TLCD4: variants seen among roughly 807,000 people sequenced by gnomAD.
The protein encoded by TLCD4 is TLC domain containing 4.
Under a neutral mutation model 24.2 loss-of-function variants are expected in TLCD4, and 7 were observed. That is an observed-to-expected ratio of 0.29 (90% CI 0.16 to 0.54). The LOEUF (loss-of-function observed/expected upper bound fraction) is 0.54. Ranked by LOEUF, TLCD4 falls within the 20% of genes least tolerant of loss-of-function variation. The probability of loss-of-function intolerance (pLI) is 0.95; values close to 1 mark genes in which losing one functional copy is unlikely to be tolerated. For missense variants in TLCD4, 259 were observed against 313.9 expected (o/e 0.82, Z 1.32); for synonymous variants, 103 against 106.4 (o/e 0.97, Z 0.20).
At chr1:95,179,472 G>A (rs932649253) in intron 6 of TLCD4, among the ~76,000 whole-genome samples, 28 of 152,190 alleles carry the variant, frequency 1.8e-4, no homozygotes, top group Non-Finnish European at 2.9e-4. Context: ...TTCTGACAGA[G>A]AACAGATGGC....
At chr1:95,104,667 A>AAAAAAAAAAAAAAAAAAAAAAAAC in the TLCD4 span, among the ~76,000 whole-genome samples, 1 of 146,044 alleles carries the variant, frequency 6.8e-6, no homozygotes, top group Non-Finnish European at 1.5e-5. Flanking sequence ...CCGTCTCAAA[A>AAAAAAAAAAAAAAAAAAAAAAAAC]AAAAAAAAAA....
At chr1:95,152,665 G>A (rs929760273) in intron 5 of TLCD4, among the ~76,000 whole-genome samples, 2 of 152,006 alleles carry the variant, frequency 1.3e-5, no homozygotes, top group African/African-American at 2.4e-5. Flanking sequence ...ATTTACTGAC[G>A]TTTTGAAATT....
chr1:95,143,853 A>T, intron 1 of TLCD4, 38 bp from the exon 2 acceptor site: 1 of 1,330,342 alleles, frequency 7.5e-7, no homozygotes, highest in Non-Finnish European at 9.7e-7. Context: ...TAGGTTTATT[A>T]TGAGACAACA....
intron 1 of TLCD4, among the ~76,000 whole-genome samples, chr1:95,130,485 T>G (rs1358961971): frequency 6.6e-6 from 1 of 152,202 alleles, no homozygotes; most frequent in African/African-American, 2.4e-5. Context: ...TTCAATGTCT[T>G]TGGTCATTTT....
upstream of TLCD4, among the ~76,000 whole-genome samples, chr1:95,114,972 T>C (rs1676401750): frequency 6.6e-6 from 1 of 151,722 alleles, no homozygotes; most frequent in South Asian, 2.1e-4. Flanking sequence ...CCATTTAAAA[T>C]GCAGAAAAAC....
the TLCD4 span, among the ~76,000 whole-genome samples, chr1:95,101,775 T>C: frequency 6.6e-6 from 1 of 152,142 alleles, no homozygotes; most frequent in Non-Finnish European, 1.5e-5. Flanking sequence ...GCTTAAACTC[T>C]CAAATGAGAA....
chr1:95,159,077 T>C (rs1029494847), intron 5 of TLCD4, among the ~76,000 whole-genome samples: 8 of 152,172 alleles, frequency 5.3e-5, no homozygotes, highest in African/African-American at 1.9e-4. Flanking sequence ...CTTGAGGAAT[T>C]GCCACACTGT....
At chr1:95,186,416 G>A (rs1419099156) in intron 6 of TLCD4, among the ~76,000 whole-genome samples, 1 of 152,200 alleles carries the variant, frequency 6.6e-6, no homozygotes, top group Admixed American at 6.5e-5. Context: ...GAGAACGGAG[G>A]GTGCTGATGT....
chr1:95,159,535 T>C (rs918239039), intron 5 of TLCD4, among the ~76,000 whole-genome samples: 10 of 152,234 alleles, frequency 6.6e-5, no homozygotes, highest in African/African-American at 2.4e-4. Context: ...CACTTTTGGC[T>C]TTTGTTGCCA....
intron 1 of TLCD4, among the ~76,000 whole-genome samples, chr1:95,134,170 A>G (rs768139082): frequency 6.6e-5 from 10 of 152,168 alleles, no homozygotes; most frequent in Non-Finnish European, 1.3e-4. Flanking sequence ...AAGACATGCC[A>G]TTCCAGGTGA....
chr1:95,192,525 C>G lies in TLCD4; in HGVS notation c.*657C>G, dbSNP rs1250111763. 2 of 152,114 alleles carry G rather than the reference C, an allele frequency of 1.3e-5. No homozygotes were observed. 9.4% of individuals were successfully genotyped at this position (152,114 alleles called of 1,614,324 possible). A position where few individuals can be genotyped will look rare whatever the true frequency, so the allele number is the denominator to read the frequency against. ...TCTGGTACAAATGGTTTTATGTCAC[C>G]AATTTTGCTGCAAGAATGGGAACTG... is the stretch of plus-strand genomic sequence containing the variant. On this transcript the variant is annotated 3_prime_UTR_variant, in exon 7 of 7. Coordinates refer to ENST00000370203, the MANE Select transcript of TLCD4 (RefSeq NM_152487.3).
chr1:95,135,577 T>C (rs1677019926), intron 1 of TLCD4, among the ~76,000 whole-genome samples: 2 of 151,990 alleles, frequency 1.3e-5, no homozygotes, highest in Non-Finnish European at 2.9e-5. Flanking sequence ...TTTGTATTTT[T>C]AGTAGAGATG....
At chr1:95,186,444 T>G (rs902980191) in intron 6 of TLCD4, among the ~76,000 whole-genome samples, 2 of 152,134 alleles carry the variant, frequency 1.3e-5, no homozygotes, top group African/African-American at 4.8e-5. Context: ...GAAGTTAACT[T>G]GGAGTTTGGA....
the TLCD4 span, among the ~76,000 whole-genome samples, chr1:95,100,633 C>CT: frequency 8.6e-5 from 13 of 150,516 alleles, no homozygotes; most frequent in Admixed American, 6.6e-4. Flanking sequence ...TAGAGGACAC[C>CT]TTCCAGATCA....
intron 5 of TLCD4, among the ~76,000 whole-genome samples, chr1:95,153,546 A>T (rs768194906): frequency 3.9e-5 from 6 of 152,294 alleles, no homozygotes; most frequent in Non-Finnish European, 8.8e-5. Flanking sequence ...ATTGCATCTC[A>T]GTTATGCCAA....
rs1293279860 is a variant in TLCD4 at position 95,191,833 on chromosome 1, G to A, written c.757G>A (p.Ala253Thr). The A allele has an allele frequency of 6.2e-7, 1 of 1,613,576 alleles. No homozygotes were observed. Among genetic ancestry groups the A allele is most frequent in the South Asian group, 1.1e-5 (1 of 90,970 alleles). Residue 253 changes from alanine (A) to threonine (T), a missense_variant, in exon 7 of 7, where the codon GCC (alanine) becomes ACC (threonine). Ala to Thr is a moderately conservative substitution (Grantham distance 58). Coordinates refer to ENST00000370203, the MANE Select transcript of TLCD4 (RefSeq NM_152487.3). ...KVISHIRQEK[A>T]KNSLQNGKLD ...CATCTCTCACATCAGACAAGAGAAA[G>A]CCAAAAATAGTCTTCAGAATGGAAA...
chr1:95,159,392 T>C (rs967492016), intron 5 of TLCD4, among the ~76,000 whole-genome samples: 4 of 152,254 alleles, frequency 2.6e-5, no homozygotes, highest in Non-Finnish European at 5.9e-5. Flanking sequence ...AAGTTCTTTG[T>C]AGATTCTGGA....
At chr1:95,135,893 A>G (rs551347278) in intron 1 of TLCD4, among the ~76,000 whole-genome samples, 3 of 150,892 alleles carry the variant, frequency 2.0e-5, no homozygotes, top group African/African-American at 7.3e-5. Context: ...TAATTTTTGT[A>G]TTTTTTTTGT....
chr1:95,137,794 GT>G lies in TLCD4; in HGVS notation c.-11-6096del, dbSNP rs139126512. On this transcript the variant is annotated intron_variant, in intron 1 of 6. Coordinates refer to ENST00000370203, the MANE Select transcript of TLCD4 (RefSeq NM_152487.3). ...CGGTCACCCAGGCCTGAGTGCCCTGGTACACAATCATAACTCACTGTAGCCT... is the reference window on the plus strand; with the variant it reads ...CGGTCACCCAGGCCTGAGTGCCCTGGACACAATCATAACTCACTGTAGCCT... Among the ~76,000 whole-genome samples the G allele has an allele frequency of 5.8e-3, 886 of 151,586 alleles. 10 individuals carry two copies. The highest frequency in any genetic ancestry group is 0.021 in the African/African-American group (847 of 41,292).
Sources: allele counts gnomAD v4.1 joint callset (sites outside exome capture counted in the v4.1 genomes callset), GRCh38; gene constraint gnomAD v4.1.1; transcripts MANE v1.5; gene names NCBI Gene and HGNC (gene_info 2026-07-23, HGNC 2026-07-21).